Variants in ADCY10 observed in about 807,000 individuals in gnomAD.
The protein encoded by ADCY10 is adenylate cyclase type 10.
ADCY10 carries 156 observed loss-of-function variants against 183.3 expected under a neutral mutation model. That is an observed-to-expected ratio of 0.85 (90% CI 0.75 to 0.97). ADCY10 has a LOEUF of 0.97. ADCY10 is among the 50% of genes least tolerant of loss of function. The pLI is 0.00. For synonymous variants in ADCY10, 645 were observed against 670.0 expected, an observed-to-expected ratio of 0.96 and a Z score of 0.58; for missense variants, 1,745 against 1,934.3, an observed-to-expected ratio of 0.90 and a Z score of 1.84.
chr1:167,823,169 G>A (rs764495264), intron 28 of ADCY10, 46 bp from the exon 29 acceptor site: 5 of 1,542,768 alleles, frequency 3.2e-6, no homozygotes, highest in Non-Finnish European at 4.5e-6. Context: ...GGTGGATATT[G>A]TAATCCCAGC....
chr1:167,832,887 G>T (rs1663857122), intron 25 of ADCY10, 100 bp downstream of exon 25: 2 of 1,272,658 alleles, frequency 1.6e-6, no homozygotes, highest in African/African-American at 1.5e-5. Context: ...GAGTCCTTGT[G>T]CCCCCTGGAG....
chr1:167,841,260 A>G (rs1165926093), intron 21 of ADCY10, among the ~76,000 whole-genome samples: 1 of 152,084 alleles, frequency 6.6e-6, no homozygotes, highest in Non-Finnish European at 1.5e-5. Flanking sequence ...GATCTCTAAA[A>G]GTATAAATTC....
rs58975654 is a variant in ADCY10 at position 167,840,759 on chromosome 1, A to AC, written c.3008-3442dup. Among the ~76,000 whole-genome samples, 161 of 151,926 alleles carry AC rather than the reference A, an allele frequency of 1.1e-3. 1 individual carries two copies. Among genetic ancestry groups the AC allele is most frequent in the African/African-American group, 3.7e-3 (151 of 41,352 alleles). On this transcript the variant is annotated intron_variant, in intron 21 of 32. Coordinates refer to ENST00000367851, the MANE Select transcript of ADCY10 (RefSeq NM_018417.6). ...AATCTGTAAAAATCAAAAGAAAAAAACATACAAATGCCTATAGGTTCTCAA... is the reference window on the plus strand; with the variant it reads ...AATCTGTAAAAATCAAAAGAAAAAAACCATACAAATGCCTATAGGTTCTCAA...
intron 8 of ADCY10, among the ~76,000 whole-genome samples, chr1:167,890,604 C>CG (rs1668520295): frequency 0.01 from 1 of 96 alleles, no homozygotes; most frequent in Admixed American, 0.1. Context: ...CTACAATCAG[C>CG]AGGTGCAAAG....
chr1:167,878,729 C>G (rs1240714692), intron 11 of ADCY10, 94 bp from the exon 12 acceptor site: 2 of 1,249,864 alleles, frequency 1.6e-6, no homozygotes, highest in Admixed American at 1.9e-5. Context: ...CATTTTTACC[C>G]TTTACTCCCT....
intron 14 of ADCY10, among the ~76,000 whole-genome samples, chr1:167,869,493 C>CG: frequency 6.6e-6 from 1 of 152,258 alleles, no homozygotes; most frequent in African/African-American, 2.4e-5. Flanking sequence ...GACAGAGAAG[C>CG]GAAACTAAAG....
intron 25 of ADCY10, among the ~76,000 whole-genome samples, chr1:167,829,997 G>A (rs1663590834): frequency 6.6e-6 from 1 of 152,200 alleles, no homozygotes; most frequent in Non-Finnish European, 1.5e-5. Flanking sequence ...TATGCCAAAA[G>A]GAAAAAATTA....
At chr1:167,883,715 C>T (rs1031407139) in intron 8 of ADCY10, 87 bp from the exon 9 acceptor site, 69 of 1,242,252 alleles carry the variant, frequency 5.6e-5, no homozygotes, top group Admixed American at 4.2e-4. Context: ...CCGAAATCAT[C>T]TAGGGAATGT....
intron 1 of ADCY10, among the ~76,000 whole-genome samples, chr1:167,913,303 G>C (rs192636142): frequency 2.6e-5 from 4 of 152,288 alleles, no homozygotes; most frequent in Admixed American, 6.5e-5. Flanking sequence ...ATTAGGGTTC[G>C]ATTATATTCA....
In ADCY10 at chr1:167,819,861, G is replaced by A. The variant is rs1407784811; in HGVS notation, c.4287-1594C>T. On this transcript the variant is annotated intron_variant, in intron 30 of 32. Transcript: ENST00000367851. ...ATTACAGGTGTCAGCCACCGCGCCC[G>A]GCATGATTTTCTAATAGCCAAATAT... The A allele has an allele frequency of 2.5e-5, 19 of 769,398 alleles. No individual in the cohort carries two copies. In the East Asian group the frequency reaches 3.8e-4, roughly 15 times the overall value. The allele number at this position is 769,398 out of a possible 1,614,324, so 47.7% of individuals were successfully genotyped here.
chr1:167,809,959 A>G, intron 32 of ADCY10, 120 bp from the exon 33 acceptor site: 1 of 1,007,494 alleles, frequency 9.9e-7, no homozygotes, highest in Non-Finnish European at 1.5e-6. Flanking sequence ...ACCCATAGAC[A>G]AAAACGAATC....
At chr1:167,811,693 G>A (rs1311326205) in intron 31 of ADCY10, among the ~76,000 whole-genome samples, 1 of 152,206 alleles carries the variant, frequency 6.6e-6, no homozygotes, top group Non-Finnish European at 1.5e-5. Flanking sequence ...TAAGACTGGA[G>A]AGACAAACAG....
At chr1:167,836,285 G>A (rs1423993172) in intron 23 of ADCY10, 24 bp downstream of exon 23, 2 of 1,492,566 alleles carry the variant, frequency 1.3e-6, no homozygotes, top group Admixed American at 1.7e-5. Context: ...TAGGGTGGAG[G>A]TGGTCTGGGT....
rs570935962 is a variant in ADCY10 at position 167,819,639 on chromosome 1, C to T, written c.4287-1372G>A. Among the ~76,000 whole-genome samples the T allele has an allele frequency of 5.3e-5, 8 of 152,006 alleles. No individual in the cohort carries two copies. The South Asian group carries it at 1.5e-3, about 28-fold the overall frequency. On this transcript the variant is annotated intron_variant, in intron 30 of 32. Coordinates refer to ENST00000367851, the MANE Select transcript of ADCY10 (RefSeq NM_018417.6). ...GTGCAATGGCGCGATCTTGGCTCAC[C>T]GCAACCTTCGCCTCCTGGGTTCAAA...
intron 26 of ADCY10, among the ~76,000 whole-genome samples, chr1:167,825,985 A>G (rs1477576380): frequency 6.6e-6 from 1 of 152,232 alleles, no homozygotes; most frequent in Non-Finnish European, 1.5e-5. Flanking sequence ...TGAAAAATAC[A>G]AACAGGAAAA....
chr1:167,865,610 G>T (rs142992504), intron 14 of ADCY10, among the ~76,000 whole-genome samples: 1 of 152,138 alleles, frequency 6.6e-6, no homozygotes, highest in African/African-American at 2.4e-5. Flanking sequence ...ATGGTGTTTA[G>T]CTTTCTTTGG....
intron 21 of ADCY10, among the ~76,000 whole-genome samples, chr1:167,840,998 T>A (rs2101942164): frequency 6.6e-6 from 1 of 150,920 alleles, no homozygotes; most frequent in Non-Finnish European, 1.5e-5. Context: ...TGGAGTGCAG[T>A]GGCGCCATCA....
At chr1:167,851,778 G>A (rs1011791128) in intron 18 of ADCY10, among the ~76,000 whole-genome samples, 1 of 150,958 alleles carries the variant, frequency 6.6e-6, no homozygotes, top group Non-Finnish European at 1.5e-5. Context: ...AGCCAAGATC[G>A]TGCCACTGCA....
chr1:167,885,109 A>C (rs1668133883), intron 8 of ADCY10, among the ~76,000 whole-genome samples: 1 of 144,298 alleles, frequency 6.9e-6, no homozygotes, highest in Non-Finnish European at 1.5e-5. Context: ...CGTTGTTGCA[A>C]ATGACAGATC....
Sources: allele counts gnomAD v4.1 joint callset (sites outside exome capture counted in the v4.1 genomes callset), GRCh38; gene constraint gnomAD v4.1.1; transcripts MANE v1.5; gene names NCBI Gene and HGNC (gene_info 2026-07-23, HGNC 2026-07-21).